Variants in PC observed in about 807,000 individuals in gnomAD.
PC encodes the protein pyruvate carboxylase, also known as pyruvate carboxylase, mitochondrial.
Under a neutral mutation model 107.8 loss-of-function variants are expected in PC, and 46 were observed. The ratio of observed to expected loss-of-function variants is 0.43; its 90% CI spans 0.34 to 0.55. PC has a LOEUF of 0.55. PC is among the 20% of genes least tolerant of loss of function. The pLI is 0.04. For synonymous variants in PC, 662 were observed against 684.7 expected (o/e 0.97, Z 0.52); for missense variants, 1,241 against 1,643.1 (o/e 0.76, Z 4.23).
chr11:66,930,936 A>G lies in PC; in HGVS notation c.-1+21494T>C, dbSNP rs537883652. On this transcript the variant is annotated intron_variant, in intron 3 of 22. Transcript: ENST00000393960. Reference sequence around the variant, plus strand: ...TGTGCATCCACATGGACGAATCACAAATGTAATGCTGAGCAAGTCACAGAA... The same window carrying G: ...TGTGCATCCACATGGACGAATCACAGATGTAATGCTGAGCAAGTCACAGAA... Among the ~76,000 whole-genome samples, 4 of 152,238 alleles carry G rather than the reference A, an allele frequency of 2.6e-5. No homozygotes were observed. The South Asian group carries it at 6.2e-4, about 24-fold the overall frequency.
intron 3 of PC, among the ~76,000 whole-genome samples, chr11:66,886,115 G>C (rs2135996146): frequency 6.6e-6 from 1 of 152,124 alleles, no homozygotes; most frequent in East Asian, 1.9e-4. Flanking sequence ...ACGCCTGCGT[G>C]GAGAGCAGGG....
At chr11:66,946,857 TA>T (rs1949309502) in intron 3 of PC, among the ~76,000 whole-genome samples, 1 of 152,170 alleles carries the variant, frequency 6.6e-6, no homozygotes, top group African/African-American at 2.4e-5. Flanking sequence ...TTACTAAGTT[TA>T]AAATCAGTAC....
Position 66,870,256 on chromosome 11 carries a change from C to T in PC, c.903+46G>A. 1 of 1,609,278 alleles carries T rather than the reference C, an allele frequency of 6.2e-7. No homozygotes were observed. On this transcript the variant is annotated intron_variant, in intron 9 of 22. Transcript: ENST00000393960. The surrounding 1 kb of genome is among the most constrained non-coding windows in gnomAD (Gnocchi z 6.1). ...GCGCCCCACTGTGAGGCCTGCCGGC[C>T]TGTGAGCACAGGCTCCTGTCCCAAC...
intron 12 of PC, among the ~76,000 whole-genome samples, chr11:66,854,843 C>G (rs1198877662): frequency 6.6e-6 from 1 of 152,232 alleles, no homozygotes; most frequent in Non-Finnish European, 1.5e-5. Flanking sequence ...CTGTGCCTGT[C>G]TGCCCCTGAG....
chr11:66,955,962 G>A (rs1949551432), intron 1 of PC, among the ~76,000 whole-genome samples: 1 of 152,112 alleles, frequency 6.6e-6, no homozygotes. Context: ...TAGCAGAGAA[G>A]GGGTTTCACC....
At chr11:66,903,885 C>T (rs1220850288) in intron 3 of PC, among the ~76,000 whole-genome samples, 5 of 143,726 alleles carry the variant, frequency 3.5e-5, no homozygotes, top group African/African-American at 7.9e-5. Context: ...TGGAGTACAA[C>T]GGCACGATCT....
In PC at chr11:66,911,952, G is replaced by A. The variant is rs183137938; in HGVS notation, c.1-39793C>T. Among the ~76,000 whole-genome samples the A allele has an allele frequency of 1.1e-4, 16 of 151,672 alleles. 1 individual carries two copies. Among genetic ancestry groups the A allele is most frequent in the Admixed American group, 7.9e-4 (12 of 15,244 alleles). ...GAAGGCTGAGGCAGGAGAATCCCTC[G>A]AACCCAGGAGGCAGAGGTTGTGGTG... On this transcript the variant is annotated intron_variant, in intron 3 of 22. Transcript: ENST00000393960.
chr11:66,865,684 G>A (rs369041832), intron 11 of PC, among the ~76,000 whole-genome samples: 11 of 152,064 alleles, frequency 7.2e-5, no homozygotes, highest in South Asian at 2.1e-4. Flanking sequence ...TCTACCTCTC[G>A]GTCTCCCTCC....
intron 3 of PC, among the ~76,000 whole-genome samples, chr11:66,904,356 A>C (rs1948087368): frequency 1.3e-5 from 2 of 152,264 alleles, no homozygotes; most frequent in Admixed American, 6.5e-5. Context: ...AAGCATTCTA[A>C]GGCTGGGCGC....
intron 1 of PC, among the ~76,000 whole-genome samples, chr11:66,955,484 C>A (rs188410795): frequency 6.6e-6 from 1 of 152,310 alleles, no homozygotes; most frequent in East Asian, 1.9e-4. Flanking sequence ...CCGAGTCAGC[C>A]AGGCTGCAGC....
At chr11:66,900,358 G>A (rs537071183) in intron 3 of PC, among the ~76,000 whole-genome samples, 1 of 152,020 alleles carries the variant, frequency 6.6e-6, no homozygotes, top group East Asian at 1.9e-4. Flanking sequence ...TGTATTTTTA[G>A]TAGAGATGTT....
chr11:66,944,765 C>T lies in PC; in HGVS notation c.-1+7665G>A, dbSNP rs746143192. ...GTCAGCCTCCTGCCAATTTCTCCCC[C>T]AAATGTCCTTTTCTTGTCACTCTAC... On this transcript the variant is annotated intron_variant, in intron 3 of 22. Transcript: ENST00000393960. Among the ~76,000 whole-genome samples the T allele has an allele frequency of 8.6e-5, 10 of 116,140 alleles. 2 individuals carry two copies. The highest frequency in any genetic ancestry group is 1.3e-4 in the Non-Finnish European group (7 of 52,398). 76.2% of individuals were successfully genotyped at this position (116,140 alleles called of 152,430 possible).
chr11:66,883,369 G>A lies in PC; in HGVS notation c.1-11210C>T, dbSNP rs182128442. ...GCGCACGAGGAGCCAGCTTCCTGCC[G>A]ACCCTGCAGCACGGGGTGTGGGCAG... On this transcript the variant is annotated intron_variant, in intron 3 of 22. Coordinates refer to ENST00000393960, the MANE Select transcript of PC (RefSeq NM_001040716.2). Among the ~76,000 whole-genome samples the A allele has an allele frequency of 1.8e-4, 27 of 152,234 alleles. No individual in the cohort carries two copies. In the East Asian group the frequency reaches 3.7e-3, roughly 21 times the overall value.
At chr11:66,880,117 C>T (rs1947132552) in intron 3 of PC, among the ~76,000 whole-genome samples, 1 of 152,168 alleles carries the variant, frequency 6.6e-6, no homozygotes, top group African/African-American at 2.4e-5. Context: ...CTGCACCCTT[C>T]CTAGAACTTG....
At chr11:66,954,600 G>A (rs1176110502) in intron 1 of PC, among the ~76,000 whole-genome samples, 164 bp from the exon 2 acceptor site, 1 of 152,174 alleles carries the variant, frequency 6.6e-6, no homozygotes, top group Non-Finnish European at 1.5e-5. Flanking sequence ...ATGGGGGCAG[G>A]ACGATATTGG....
intron 3 of PC, among the ~76,000 whole-genome samples, chr11:66,924,369 C>CAAAAAAAAAAAAAAAAAAA (rs71045970): frequency 1.5e-4 from 10 of 65,564 alleles, no homozygotes; most frequent in South Asian, 5.1e-4. Flanking sequence ...CCATCTCTAC[C>CAAAAAAAAAAAAAAAAAAA]AAAAAAAAAA....
intron 12 of PC, among the ~76,000 whole-genome samples, chr11:66,855,786 C>G (rs776008756): frequency 6.6e-6 from 1 of 152,200 alleles, no homozygotes; most frequent in Admixed American, 6.5e-5. Flanking sequence ...CCTCCCCTCT[C>G]GCCCCTAGGA....
intron 3 of PC, among the ~76,000 whole-genome samples, chr11:66,881,472 T>A (rs1360883209): frequency 1.3e-5 from 2 of 152,224 alleles, no homozygotes; most frequent in Non-Finnish European, 2.9e-5. Flanking sequence ...TAACTCAGCA[T>A]TCCCCTTCCA....
At chr11:66,869,006 G>T (rs1300437830) in intron 9 of PC, 42 bp from the exon 10 acceptor site, 1 of 1,474,930 alleles carries the variant, frequency 6.8e-7, no homozygotes, top group Non-Finnish European at 9.5e-7. Context: ...CACAGGCAGG[G>T]CCTGGGCAAA....
Sources: gnomAD v4.1 joint callset for allele counts (sites outside exome capture counted in the v4.1 genomes callset) on GRCh38, gnomAD v4.1.1 for gene constraint, Gnocchi (gnomAD v3.1) non-coding constraint, MANE v1.5 for transcripts, NCBI Gene and HGNC (gene_info 2026-07-23, HGNC 2026-07-21) for gene names.